Variants in LYST observed in about 807,000 individuals in gnomAD.
The protein encoded by LYST is lysosomal-trafficking regulator.
In LYST, 192 loss-of-function variants were observed where a neutral mutation model predicts 413.6. The ratio of observed to expected loss-of-function variants is 0.46; its 90% CI spans 0.41 to 0.52. LYST has a LOEUF of 0.52. LYST is among the 20% of genes least tolerant of loss of function. The pLI is 0.00. For missense variants in LYST, 3,815 were observed against 4,499.9 expected (o/e 0.85, Z 4.35); for synonymous variants, 1,525 against 1,567.3 (o/e 0.97, Z 0.64).
At chr1:235,786,535 C>A (rs1670429945) in intron 14 of LYST, among the ~76,000 whole-genome samples, 2 of 152,086 alleles carry the variant, frequency 1.3e-5, no homozygotes, top group African/African-American at 4.8e-5. Context: ...TTGACCCAGC[C>A]ATCCCATTAC....
intron 1 of LYST, among the ~76,000 whole-genome samples, chr1:235,849,493 C>T (rs1292473217): frequency 3.9e-5 from 6 of 152,176 alleles, no homozygotes; most frequent in Admixed American, 3.9e-4. Context: ...TCCCCTTCAA[C>T]ATAGTACTGG....
rs1046552420 is a variant in LYST, at chr1:235,854,355, C to T, written c.-98+12488G>A. 1.3e-5 allele frequency among the ~76,000 whole-genome samples: 2 copies of T among 152,204 alleles called. No homozygotes were observed. Among genetic ancestry groups the T allele is most frequent in the African/African-American group, 2.4e-5 (1 of 41,456 alleles). On this transcript the variant is annotated intron_variant, in intron 1 of 52. Coordinates refer to ENST00000389793, the MANE Select transcript of LYST (RefSeq NM_000081.4). The surrounding 1 kb of genome is among the most constrained non-coding windows in gnomAD (Gnocchi z 4.1). ...GCCAGGATTCAGACTCATGCAATCC[C>T]TTTGTATTCTATATACAAATTTCTA...
chr1:235,839,187 C>A (rs1676921281), intron 1 of LYST, among the ~76,000 whole-genome samples: 1 of 151,870 alleles, frequency 6.6e-6, no homozygotes, highest in African/African-American at 2.4e-5. Flanking sequence ...AATCTTAGCT[C>A]ATTATTCTAC....
chr1:235,713,008 T>C (rs1332854393), intron 42 of LYST: 19 of 985,280 alleles, frequency 1.9e-5, no homozygotes, highest in Admixed American at 6.1e-5. Context: ...TCTGAACTTG[T>C]TGAAATTTGA....
intron 21 of LYST, among the ~76,000 whole-genome samples, chr1:235,765,253 C>T (rs988092563): frequency 1.3e-5 from 2 of 152,188 alleles, no homozygotes; most frequent in African/African-American, 4.8e-5. Context: ...CCTCCAGAGT[C>T]ATTCCATCCT....
chr1:235,714,145 T>C (rs1199189768), intron 42 of LYST, among the ~76,000 whole-genome samples: 2 of 152,216 alleles, frequency 1.3e-5, no homozygotes, highest in Non-Finnish European at 2.9e-5. Context: ...ATCTTCAGAA[T>C]AGTGACAGGC....
At chr1:235,810,830 A>T (rs757321389) in intron 4 of LYST, among the ~76,000 whole-genome samples, 3 of 152,196 alleles carry the variant, frequency 2.0e-5, no homozygotes, top group Non-Finnish European at 4.4e-5. Flanking sequence ...ACTTCAAAGG[A>T]TACAAACTGA....
chr1:235,764,237 T>C (rs1667878203), intron 21 of LYST, among the ~76,000 whole-genome samples: 1 of 152,192 alleles, frequency 6.6e-6, no homozygotes, highest in Non-Finnish European at 1.5e-5. Context: ...AAATGTTGAC[T>C]GCCTTATCAC....
At chr1:235,726,708 G>A (rs2103187658) in intron 38 of LYST, among the ~76,000 whole-genome samples, 1 of 152,268 alleles carries the variant, frequency 6.6e-6, no homozygotes, top group African/African-American at 2.4e-5. Context: ...TAGCATGCAA[G>A]TTGACTTAAA....
intron 21 of LYST, 125 bp from the exon 22 acceptor site, chr1:235,762,976 G>C: frequency 1.4e-6 from 1 of 722,930 alleles, no homozygotes; most frequent in South Asian, 1.6e-5. Flanking sequence ...AAAATATATA[G>C]CATACTTTAT....
chr1:235,741,302 G>T, intron 31 of LYST, 120 bp downstream of exon 31: 2 of 917,928 alleles, frequency 2.2e-6, no homozygotes, highest in Middle Eastern at 3.2e-4. Flanking sequence ...AATTTGCTTG[G>T]TAAGAAAATT....
chr1:235,852,373 T>A (rs1168469634), intron 1 of LYST, among the ~76,000 whole-genome samples: 1 of 152,150 alleles, frequency 6.6e-6, no homozygotes, highest in Non-Finnish European at 1.5e-5. Context: ...TTGTGGTAGC[T>A]CCAACAATCT....
chr1:235,856,532 G>C (rs2103129015), intron 1 of LYST, among the ~76,000 whole-genome samples: 1 of 152,266 alleles, frequency 6.6e-6, no homozygotes, highest in Non-Finnish European at 1.5e-5. Context: ...AATGTAGTAA[G>C]TATCAACATT....
intron 1 of LYST, among the ~76,000 whole-genome samples, chr1:235,846,034 C>T (rs569073014): frequency 6.8e-4 from 104 of 152,270 alleles, no homozygotes; most frequent in African/African-American, 2.5e-3. Flanking sequence ...GGCCAACCAG[C>T]ACAAAAATAG....
chr1:235,748,491 A>G (rs1202197933), intron 28 of LYST, among the ~76,000 whole-genome samples: 2 of 152,222 alleles, frequency 1.3e-5, no homozygotes, highest in East Asian at 3.8e-4. Context: ...TATGTTTCTT[A>G]ATATGGAAAA....
intron 25 of LYST, 45 bp downstream of exon 25, chr1:235,755,433 A>T: frequency 8.6e-7 from 1 of 1,163,382 alleles, no homozygotes; most frequent in South Asian, 1.3e-5. Context: ...GAAAAGAAAA[A>T]AGACAAAAGA....
Position 235,808,787 on chromosome 1 carries a change from G to A in LYST, c.2031C>T (p.Ile677=), listed in dbSNP as rs532298017. The A allele has an allele frequency of 6.2e-7, 1 of 1,613,960 alleles. No individual in the cohort carries two copies. Among genetic ancestry groups the A allele is most frequent in the South Asian group, 1.1e-5 (1 of 91,078 alleles). The change falls in exon 5 of 53, where the codon ATC becomes ATT. Residue 677 remains isoleucine, a synonymous_variant. Coordinates refer to ENST00000389793, the MANE Select transcript of LYST (RefSeq NM_000081.4). ...AATCTTCAGATCCACTGCTGGGCAG[G>A]ATCCCTTGAAATCTGTAAGAAGGAC... ...LSSPSYRFQG[I]LPSSGSEDLL...
At chr1:235,756,233 A>G (rs539274789) in intron 24 of LYST, among the ~76,000 whole-genome samples, 12 of 151,840 alleles carry the variant, frequency 7.9e-5, no homozygotes, top group Non-Finnish European at 1.6e-4. Context: ...GTAGTGATAG[A>G]CTCCTTTCCC....
rs1665768203 is a variant in LYST at position 235,744,914 on chromosome 1, AAG to A, written c.7973-759_7973-758del. ...TCTCAAAAAAAAAAAGAAAAAAAAA[AAG>A]AGAGAAAGAAAAGTAAAAAAAGCTA... On this transcript the variant is annotated intron_variant, in intron 29 of 52. Coordinates refer to ENST00000389793, the MANE Select transcript of LYST (RefSeq NM_000081.4). Among the ~76,000 whole-genome samples, 4 of 147,034 alleles carry A rather than the reference AAG, an allele frequency of 2.7e-5. No homozygotes were observed. In the South Asian group the frequency reaches 8.5e-4, roughly 31 times the overall value.
Sources: allele counts gnomAD v4.1 joint callset (sites outside exome capture counted in the v4.1 genomes callset), GRCh38; gene constraint gnomAD v4.1.1; non-coding constraint Gnocchi (gnomAD v3.1); transcripts MANE v1.5; gene names NCBI Gene and HGNC (gene_info 2026-07-23, HGNC 2026-07-21).